The following TMEM108 variants were observed in gnomAD, a reference collection of about 807,000 sequenced individuals.
TMEM108 encodes the protein cancer/testis antigen 124.
Under a neutral mutation model 35.1 loss-of-function variants are expected in TMEM108, and 12 were observed. The observed-to-expected ratio is 0.34, with a 90% CI of 0.22 to 0.55. TMEM108 has a LOEUF of 0.55. Among genes scored for constraint, TMEM108 ranks in the 20% least tolerant of loss-of-function variants. TMEM108 has a pLI of 0.89. For synonymous variants in TMEM108, 287 were observed against 308.6 expected, an observed-to-expected ratio of 0.93 and a Z score of 0.73; for missense variants, 680 against 753.3, an observed-to-expected ratio of 0.90 and a Z score of 1.14.
chr3:133,108,328 G>T (rs1158592631), intron 2 of TMEM108, among the ~76,000 whole-genome samples: 1 of 152,110 alleles, frequency 6.6e-6, no homozygotes, highest in African/African-American at 2.4e-5. Context: ...GTGTGAGATG[G>T]TATCTCATTG....
chr3:133,368,543 C>G (rs977326919), intron 3 of TMEM108, among the ~76,000 whole-genome samples: 8 of 152,164 alleles, frequency 5.3e-5, no homozygotes, highest in Admixed American at 3.9e-4. Context: ...TTTCTCCTGC[C>G]TCACTCTGGC....
chr3:133,303,990 C>T (rs1391681124), intron 3 of TMEM108, among the ~76,000 whole-genome samples: 6 of 152,176 alleles, frequency 3.9e-5, no homozygotes, highest in African/African-American at 1.4e-4. Context: ...GTAAGTCTCA[C>T]GATTTGAGAT....
At chr3:133,211,561 C>T (rs1021334408) in intron 2 of TMEM108, among the ~76,000 whole-genome samples, 3 of 152,272 alleles carry the variant, frequency 2.0e-5, no homozygotes, top group South Asian at 4.2e-4. Flanking sequence ...AAGTATGATA[C>T]GTATTCTTCA....
intron 3 of TMEM108, among the ~76,000 whole-genome samples, chr3:133,233,071 G>C (rs1200750943): frequency 1.4e-5 from 2 of 147,194 alleles, no homozygotes; most frequent in Non-Finnish European, 3.0e-5. Flanking sequence ...TTAAGTTTTA[G>C]GGTACATGTG....
chr3:133,285,254 C>T (rs1450326304), intron 3 of TMEM108, among the ~76,000 whole-genome samples: 2 of 152,148 alleles, frequency 1.3e-5, no homozygotes, highest in Non-Finnish European at 2.9e-5. Flanking sequence ...TATTAAATAA[C>T]ACAGACGCAG....
rs576915057 is a variant in TMEM108, at chr3:133,073,857, G to A, written c.-47+27837G>A. On this transcript the variant is annotated intron_variant, in intron 2 of 5. Coordinates refer to ENST00000321871, the MANE Select transcript of TMEM108 (RefSeq NM_023943.4). Reference sequence around the variant, plus strand: ...TTTTGATAATATTCATTCTAGCAGTGTAAGATGATATCTCATTGTGGTTTT... The same window carrying A: ...TTTTGATAATATTCATTCTAGCAGTATAAGATGATATCTCATTGTGGTTTT... Among the ~76,000 whole-genome samples the A allele has an allele frequency of 1.6e-4, 25 of 151,996 alleles. No homozygotes were observed. The East Asian group carries it at 4.8e-3, about 29-fold the overall frequency.
chr3:133,234,950 C>T (rs867462139), intron 3 of TMEM108, among the ~76,000 whole-genome samples: 14 of 152,118 alleles, frequency 9.2e-5, no homozygotes, highest in South Asian at 2.1e-4. Context: ...CATTCCTATA[C>T]GTCAATAACA....
intron 3 of TMEM108, among the ~76,000 whole-genome samples, chr3:133,278,410 ATTGCT>A (rs1302274100): frequency 6.6e-6 from 1 of 152,348 alleles, no homozygotes; most frequent in East Asian, 1.9e-4. Flanking sequence ...ACAGTGCTGC[ATTGCT>A]TCACAACAGG....
intron 2 of TMEM108, among the ~76,000 whole-genome samples, chr3:133,144,685 A>G (rs1412716356): frequency 2.6e-5 from 4 of 152,024 alleles, no homozygotes; most frequent in South Asian, 2.1e-4. Flanking sequence ...ATGGTATCTC[A>G]TTGTGCTTTT....
intron 2 of TMEM108, among the ~76,000 whole-genome samples, chr3:133,090,741 G>C (rs568884789): frequency 6.6e-6 from 1 of 152,048 alleles, no homozygotes; most frequent in African/African-American, 2.4e-5. Context: ...CATGCATATA[G>C]GGATATATTT....
At chr3:133,382,643 T>C (rs1341277043) in intron 4 of TMEM108, among the ~76,000 whole-genome samples, 1 of 152,370 alleles carries the variant, frequency 6.6e-6, no homozygotes, top group East Asian at 1.9e-4. Flanking sequence ...AGGTCATACA[T>C]AGGCTTGCCC....
chr3:133,390,456 A>C, intron 5 of TMEM108, 122 bp downstream of exon 5: 1 of 1,115,550 alleles, frequency 9.0e-7, no homozygotes, highest in Non-Finnish European at 1.3e-6. Context: ...CAGCAGTATC[A>C]ATAACACCCA....
intron 2 of TMEM108, among the ~76,000 whole-genome samples, chr3:133,094,052 T>C (rs1439622821): frequency 6.6e-6 from 1 of 152,186 alleles, no homozygotes; most frequent in African/African-American, 2.4e-5. Context: ...AGCTGTTGTA[T>C]AGATAGTAAT....
rs181010341 is a variant in TMEM108 at position 133,311,170 on chromosome 3, A to G, written c.41-68582A>G. Among the ~76,000 whole-genome samples the G allele has an allele frequency of 2.8e-4, 43 of 152,180 alleles. No homozygotes were observed. In the East Asian group the frequency reaches 8.3e-3, roughly 29 times the overall value. On this transcript the variant is annotated intron_variant, in intron 3 of 5. Transcript: ENST00000321871. ...ACATTTTTTCCTTCATTTCCACCTTAGTGAATCTGACAATTATGTGTCTTG... is the reference window on the plus strand; with the variant it reads ...ACATTTTTTCCTTCATTTCCACCTTGGTGAATCTGACAATTATGTGTCTTG...
chr3:133,115,796 C>T (rs926302080), intron 2 of TMEM108, among the ~76,000 whole-genome samples: 1 of 152,236 alleles, frequency 6.6e-6, no homozygotes, highest in Non-Finnish European at 1.5e-5. Context: ...AGGTATTTCA[C>T]ATAACATCAT....
intron 3 of TMEM108, among the ~76,000 whole-genome samples, chr3:133,323,997 TCCTCTCTCA>T (rs2071298734): frequency 6.6e-6 from 1 of 152,158 alleles, no homozygotes; most frequent in Non-Finnish European, 1.5e-5. Context: ...AGCTGGATTC[TCCTCTCTCA>T]CCTTATACAA....
At chr3:133,087,006 A>G (rs1943891800) in intron 2 of TMEM108, among the ~76,000 whole-genome samples, 1 of 152,186 alleles carries the variant, frequency 6.6e-6, no homozygotes, top group Non-Finnish European at 1.5e-5. Flanking sequence ...TTGAAAAGGA[A>G]ATTCAAAATG....
In TMEM108 at chr3:133,370,493, T is replaced by C. The variant is rs974073700; in HGVS notation, c.41-9259T>C. Among the ~76,000 whole-genome samples, 4 of 152,336 alleles carry C rather than the reference T, an allele frequency of 2.6e-5. No individual in the cohort carries two copies. In the South Asian group the frequency reaches 8.3e-4, roughly 32 times the overall value. On this transcript the variant is annotated intron_variant, in intron 3 of 5. Coordinates refer to ENST00000321871, the MANE Select transcript of TMEM108 (RefSeq NM_023943.4). ...TTGACCACCTGGCTGAGGTCGTGTC[T>C]CTCTGGTTCTCTACTGTAAAGCAGG...
At chr3:133,319,068 A>G (rs758044723) in intron 3 of TMEM108, among the ~76,000 whole-genome samples, 5 of 152,138 alleles carry the variant, frequency 3.3e-5, no homozygotes, top group Non-Finnish European at 7.3e-5. Flanking sequence ...GGTGAGGCCC[A>G]TCACAACTGG....
Sources: gnomAD v4.1 joint callset for allele counts (sites outside exome capture counted in the v4.1 genomes callset) on GRCh38, gnomAD v4.1.1 for gene constraint, MANE v1.5 for transcripts, NCBI Gene and HGNC (gene_info 2026-07-23, HGNC 2026-07-21) for gene names.